The following TMEM91 variants were observed in gnomAD, a reference collection of about 807,000 sequenced individuals.
TMEM91 encodes transmembrane protein 91, also known as dispanin subfamily C member 3.
In TMEM91, 6 loss-of-function variants were observed where a neutral mutation model predicts 13.3. The observed-to-expected ratio is 0.45, with a 90% CI of 0.25 to 0.89. The LOEUF is 0.89. Ranked by LOEUF, TMEM91 falls within the 40% of genes least tolerant of loss-of-function variation. The pLI is 0.19. For synonymous variants in TMEM91, 87 were observed against 101.7 expected (o/e 0.86, Z 0.87); for missense variants, 193 against 228.7 (o/e 0.84, Z 1.01).
At chr19:41,371,881 C>T (rs1025498687), upstream of TMEM91, among the ~76,000 whole-genome samples, 6 of 151,896 alleles carry the variant, frequency 4.0e-5, no homozygotes, top group African/African-American at 1.5e-4. Context: ...CCTTCCTGAC[C>T]CCCCTTTTTT....
chr19:41,368,127 C>G (rs1379109530), intron 1 of TMEM91, among the ~76,000 whole-genome samples: 1 of 152,078 alleles, frequency 6.6e-6, no homozygotes, highest in Non-Finnish European at 1.5e-5. Context: ...CGAAAGTTGG[C>G]CAGGCCTGGT....
chr19:41,369,506 TAAAAA>T (rs569474645), intron 1 of TMEM91, among the ~76,000 whole-genome samples: 1 of 123,318 alleles, frequency 8.1e-6, no homozygotes, highest in East Asian at 2.9e-4. Flanking sequence ...ACTGCACCTC[TAAAAA>T]AAAAAAAAAA....
At chr19:41,375,297 T>TTTTTTTTC (rs869066634), upstream of TMEM91, among the ~76,000 whole-genome samples, 2,587 of 113,252 alleles carry the variant, frequency 0.023, 69 homozygotes, top group Non-Finnish European at 0.034. Context: ...TTTTTTTTTT[T>TTTTTTTTC]TGAGACGGAG....
intron 3 of TMEM91, chr19:41,383,360 A>T: frequency 1.7e-6 from 1 of 594,698 alleles, no homozygotes. Context: ...AGCTCTCTGC[A>T]AGATTTTGGG....
intron 1 of TMEM91, among the ~76,000 whole-genome samples, chr19:41,371,322 C>CTTCCTTCCT (rs1393942215): frequency 1.4e-5 from 2 of 138,478 alleles, no homozygotes; most frequent in East Asian, 4.1e-4. Context: ...TCCTTCCTTC[C>CTTCCTTCCT]TTCCTTCCTT....
intron 3 of TMEM91, 30 bp from the exon 4 acceptor site, chr19:41,383,685 C>A: frequency 6.2e-7 from 1 of 1,613,646 alleles, no homozygotes; most frequent in African/African-American, 1.3e-5. Flanking sequence ...GAGGGGATGC[C>A]TGGGTCACTG....
Position 41,382,158 on chromosome 19 carries a change from C to T in TMEM91, c.211-614C>T, listed in dbSNP as rs544946854. The stretch of plus-strand genomic sequence containing the variant: ...CTGGGATTACAGGTGCAAGCTACCA[C>T]GCCCGGCCATGCGGGGGCTTTTCAC... On this transcript the variant is annotated intron_variant, in intron 2 of 3. Coordinates refer to ENST00000392002, the MANE Select transcript of TMEM91 (RefSeq NM_001098821.2). 7.9e-5 allele frequency among the ~76,000 whole-genome samples: 12 copies of T among 152,232 alleles called. No individual in the cohort carries two copies. The South Asian group carries it at 1.2e-3, about 16-fold the overall frequency.
At chr19:41,383,486 A>G in intron 3 of TMEM91, 1 of 1,412,718 alleles carries the variant, frequency 7.1e-7, no homozygotes. Flanking sequence ...TACCATTTTA[A>G]TGTTTTTATT....
chr19:41,379,995 A>G (rs1045207100), intron 2 of TMEM91, among the ~76,000 whole-genome samples: 3 of 149,982 alleles, frequency 2.0e-5, no homozygotes, highest in African/African-American at 4.9e-5. Flanking sequence ...CCTGGGTTCA[A>G]GCAAATTCCC....
chr19:41,374,410 A>G (rs2038672936), upstream of TMEM91: 1 of 152,240 alleles, frequency 6.6e-6, no homozygotes, highest in African/African-American at 2.4e-5. Flanking sequence ...AATAAACACC[A>G]TCAAATGTGT....
At position 41,384,017 on chromosome 19, in the gene TMEM91, C is replaced by T; in HGVS notation, c.*144C>T. ...AGCGAGCTGGACTGGAACCCTTCCC[C>T]TTCCTGGCCACCGCTCTTCGGGCGG... On this transcript the variant is annotated 3_prime_UTR_variant, in exon 4 of 4. Coordinates refer to ENST00000392002, the MANE Select transcript of TMEM91 (RefSeq NM_001098821.2). The T allele has an allele frequency of 7.2e-7, 1 of 1,384,866 alleles. No individual in the cohort carries two copies. Among genetic ancestry groups the T allele is most frequent in the Non-Finnish European group, 9.5e-7 (1 of 1,051,352 alleles). The allele number at this position is 1,384,866 out of a possible 1,614,324, so 85.8% of individuals were successfully genotyped here.
In TMEM91 at chr19:41,382,925, A is replaced by G; in HGVS notation, c.360+4A>G. On this transcript the variant is annotated splice_donor_region_variant and intron_variant, in intron 3 of 3. Coordinates refer to ENST00000392002, the MANE Select transcript of TMEM91 (RefSeq NM_001098821.2). ...TGCCTTCTGTCTAGCCCAGAAGGTC[A>G]GTCTGTGTGTGGGACTTGGAGGGGA... The G allele has an allele frequency of 6.8e-6, 11 of 1,614,012 alleles. No homozygotes were observed. The highest frequency in any genetic ancestry group is 9.3e-6 in the Non-Finnish European group (11 of 1,179,952).
intron 1 of TMEM91, among the ~76,000 whole-genome samples, chr19:41,368,117 C>G (rs763133386): frequency 2.1e-4 from 32 of 152,072 alleles, no homozygotes; most frequent in Non-Finnish European, 4.3e-4. Flanking sequence ...ACCACATTAT[C>G]GAAAGTTGGC....
chr19:41,369,506 TAAA>T (rs569474645), intron 1 of TMEM91, among the ~76,000 whole-genome samples: 5 of 123,300 alleles, frequency 4.1e-5, no homozygotes, highest in Admixed American at 8.3e-5. Context: ...ACTGCACCTC[TAAA>T]AAAAAAAAAA....
chr19:41,374,755 G>A (rs569526372), upstream of TMEM91, among the ~76,000 whole-genome samples: 4 of 152,122 alleles, frequency 2.6e-5, no homozygotes, highest in East Asian at 3.9e-4. Context: ...AGGCTGAGGC[G>A]GGTGGGTCAC....
chr19:41,375,097 C>T (rs1289352992), upstream of TMEM91, among the ~76,000 whole-genome samples: 2 of 151,884 alleles, frequency 1.3e-5, no homozygotes, highest in Non-Finnish European at 2.9e-5. Context: ...TACTGGACCC[C>T]ACTCCTCAGC....
intron 1 of TMEM91, among the ~76,000 whole-genome samples, chr19:41,369,216 T>C (rs746934057): frequency 1.3e-5 from 2 of 152,106 alleles, no homozygotes; most frequent in Admixed American, 6.5e-5. Context: ...TCACTCTTGT[T>C]GCCCAGGCTG....
rs752790244 is a variant in TMEM91, at chr19:41,378,499, C to A, written c.190C>A (p.Pro64Thr). The A allele has an allele frequency of 6.8e-6, 11 of 1,614,106 alleles. No homozygotes were observed. The highest frequency in any genetic ancestry group is 9.3e-6 in the Non-Finnish European group (11 of 1,179,994). The change falls in exon 2 of 4, where the codon CCA becomes ACA. Residue 64 changes from proline (P) to threonine (T), a missense_variant. Transcript: ENST00000392002. ...LPSVSAGLGE[P>T]RPPDVEDMSS... is the part of the protein sequence containing the mutation. ...CTCCGTGAGCGCTGGCCTGGGGGAA[C>A]CAAGGCCCCCTGATGTTGAGGTAGG...
At chr19:41,379,871 T>C (rs1372539487) in intron 2 of TMEM91, among the ~76,000 whole-genome samples, 1 of 148,118 alleles carries the variant, frequency 6.8e-6, no homozygotes, top group Non-Finnish European at 1.5e-5. Context: ...TCTCTCTTCA[T>C]GGTGTCTTAG....
Sources: gnomAD v4.1 joint callset for allele counts (sites outside exome capture counted in the v4.1 genomes callset) on GRCh38, gnomAD v4.1.1 for gene constraint, MANE v1.5 for transcripts, NCBI Gene and HGNC (gene_info 2026-07-23, HGNC 2026-07-21) for gene names.